The following RBFOX2 variants were observed in gnomAD, a reference collection of about 807,000 sequenced individuals.
RBFOX2 encodes the protein RNA binding fox-1 homolog 2.
A neutral mutation model predicts 49.1 loss-of-function variants in RBFOX2; 10 were observed. That is an observed-to-expected ratio of 0.20 (90% CI 0.13 to 0.35). The LOEUF is 0.35. Ranked by LOEUF, RBFOX2 falls within the 10% of genes least tolerant of loss-of-function variation. The pLI is 1.00. For missense variants in RBFOX2, 323 were observed against 486.9 expected, an observed-to-expected ratio of 0.66 and a Z score of 3.17; for synonymous variants, 183 against 187.4, an observed-to-expected ratio of 0.98 and a Z score of 0.19.
At chr22:35,898,092 C>G (rs1293042709) in intron 1 of RBFOX2, 1 of 737,658 alleles carries the variant, frequency 1.4e-6, no homozygotes, top group African/African-American at 1.7e-5. Flanking sequence ...ATTCCAGAAA[C>G]AGAAGCTAGC....
At chr22:35,853,763 G>C (rs904201961) in intron 1 of RBFOX2, among the ~76,000 whole-genome samples, 1 of 148,934 alleles carries the variant, frequency 6.7e-6, no homozygotes, top group African/African-American at 2.4e-5. Flanking sequence ...GCTGGTTTTC[G>C]CTTACTAATT....
In RBFOX2 at chr22:35,785,379, C is replaced by G; in HGVS notation, c.253-3633G>C. 1.3e-5 allele frequency among the ~76,000 whole-genome samples: 2 copies of G among 152,166 alleles called. 1 individual carries two copies. The highest frequency in any genetic ancestry group is 6.3e-3 in the Middle Eastern group (2 of 316). On this transcript the variant is annotated intron_variant, in intron 2 of 11. Coordinates refer to ENST00000405409, the Ensembl canonical transcript of RBFOX2. ...ATTCCCTATGAAGTGCATGCCAAACCCGATGGCTTGCTGAGCTGATTAAAC... is the reference window on the plus strand; with the variant it reads ...ATTCCCTATGAAGTGCATGCCAAACGCGATGGCTTGCTGAGCTGATTAAAC...
At chr22:35,840,653 TG>T, upstream of RBFOX2, 1 of 1,027,710 alleles carries the variant, frequency 9.7e-7, no homozygotes, top group Non-Finnish European at 1.2e-6. Context: ...TGTGTGTGTG[TG>T]TGTAGGGGGG....
At chr22:35,915,153 C>T (rs2050263690) in intron 1 of RBFOX2, among the ~76,000 whole-genome samples, 1 of 152,166 alleles carries the variant, frequency 6.6e-6, no homozygotes, top group African/African-American at 2.4e-5. Flanking sequence ...TCCTCTGAGC[C>T]ACCTCCTTTA....
intron 1 of RBFOX2, among the ~76,000 whole-genome samples, chr22:35,961,066 T>C (rs2056148673): frequency 6.6e-6 from 1 of 152,212 alleles, no homozygotes; most frequent in Non-Finnish European, 1.5e-5. Context: ...AAGCATGCAG[T>C]TTTCCTTTCT....
intron 1 of RBFOX2, among the ~76,000 whole-genome samples, chr22:35,895,580 C>T (rs933210984): frequency 6.6e-6 from 1 of 152,112 alleles, no homozygotes; most frequent in Non-Finnish European, 1.5e-5. Context: ...GGCTTTTCAT[C>T]TTTTTTATTA....
intron 1 of RBFOX2, among the ~76,000 whole-genome samples, chr22:35,915,095 G>C (rs1005625924): frequency 8.5e-5 from 13 of 152,060 alleles, no homozygotes; most frequent in African/African-American, 3.1e-4. Context: ...CATTTTACTC[G>C]AACTCTGCCA....
At chr22:35,787,664 GTCTTA>G (rs1031458750) in intron 2 of RBFOX2, among the ~76,000 whole-genome samples, 1 of 152,184 alleles carries the variant, frequency 6.6e-6, no homozygotes, top group Non-Finnish European at 1.5e-5. Flanking sequence ...AAGTTTTTAA[GTCTTA>G]TCTTTGTGAA....
intron 1 of RBFOX2, among the ~76,000 whole-genome samples, chr22:35,959,910 C>T (rs1009594554): frequency 1.3e-5 from 2 of 152,176 alleles, no homozygotes; most frequent in Non-Finnish European, 2.9e-5. Flanking sequence ...TATGTATATC[C>T]TCCCAGAGAT....
chr22:35,835,763 C>T (rs574655110), intron 1 of RBFOX2, among the ~76,000 whole-genome samples: 4 of 152,216 alleles, frequency 2.6e-5, no homozygotes, highest in South Asian at 2.1e-4. Context: ...CAAGATTGCT[C>T]GGATTTCATC....
At chr22:35,775,857 AAAAAG>A (rs1191374091) in intron 4 of RBFOX2, among the ~76,000 whole-genome samples, 18 of 150,468 alleles carry the variant, frequency 1.2e-4, no homozygotes, top group South Asian at 8.3e-4. Flanking sequence ...AAAAAAAAAA[AAAAAG>A]AAAAGAAAAG....
chr22:35,739,413 G>C (rs371816163), exon 12 of RBFOX2: 1 of 152,390 alleles, frequency 6.6e-6, no homozygotes, highest in Non-Finnish European at 1.5e-5. Context: ...TAGCTTACGC[G>C]TGTCAGCCCC....
intron 1 of RBFOX2, among the ~76,000 whole-genome samples, chr22:35,883,789 C>G (rs1355610936): frequency 1.3e-5 from 2 of 152,252 alleles, no homozygotes; most frequent in Non-Finnish European, 2.9e-5. Context: ...CTTTCTACCA[C>G]TACATAACAA....
rs113569302 is a variant in RBFOX2 at position 35,916,875 on chromosome 22, AT to A, written c.-34+21971del. Among the ~76,000 whole-genome samples, 13 of 151,712 alleles carry A rather than the reference AT, an allele frequency of 8.6e-5. No individual in the cohort carries two copies. In the South Asian group the frequency reaches 1.7e-3, roughly 19 times the overall value. On this transcript the variant is annotated intron_variant, in intron 1 of 13. Transcript: ENST00000359369. ...GACACAGAGAGACTCTATCTGAAAA[AT>A]TTAAAAAAAAAAAAAAAGAGTAATG...
chr22:35,874,219 A>T (rs534710253), intron 1 of RBFOX2, among the ~76,000 whole-genome samples: 2 of 152,352 alleles, frequency 1.3e-5, no homozygotes, highest in East Asian at 3.9e-4. Context: ...AGTAGACTAC[A>T]GGAAAAGAAA....
At chr22:35,763,824 G>A (rs981648724) in intron 6 of RBFOX2, among the ~76,000 whole-genome samples, 2 of 152,088 alleles carry the variant, frequency 1.3e-5, no homozygotes, top group African/African-American at 2.4e-5. Flanking sequence ...AAAATCTGTG[G>A]TCTCAATTTA....
intron 1 of RBFOX2, among the ~76,000 whole-genome samples, chr22:35,934,859 T>C (rs139122491): frequency 6.6e-6 from 1 of 152,288 alleles, no homozygotes; most frequent in Non-Finnish European, 1.5e-5. Flanking sequence ...CCTAAGCACA[T>C]GCACAAATCA....
In RBFOX2 at chr22:35,899,663, T is replaced by C. The variant is rs199779492; in HGVS notation, c.-34+39184A>G. Among the ~76,000 whole-genome samples the C allele has an allele frequency of 2.7e-4, 41 of 152,020 alleles. No homozygotes were observed. The East Asian group carries it at 7.9e-3, about 29-fold the overall frequency. ...TATCAAAGTCAAATAAGGAAAGCTA[T>C]GCTTTATAGCTATATACAATTCACA... On this transcript the variant is annotated intron_variant, in intron 1 of 13. Coordinates refer to the RBFOX2 transcript ENST00000359369.
intron 2 of RBFOX2, among the ~76,000 whole-genome samples, chr22:35,791,984 T>C (rs1334201420): frequency 1.3e-5 from 2 of 152,172 alleles, no homozygotes; most frequent in South Asian, 2.1e-4. Context: ...AAAGTACATC[T>C]GCCATGTGAA....
Sources: allele counts gnomAD v4.1 joint callset (sites outside exome capture counted in the v4.1 genomes callset), GRCh38; gene constraint gnomAD v4.1.1; transcripts MANE v1.5; gene names NCBI Gene and HGNC (gene_info 2026-07-23, HGNC 2026-07-21).